Variants in TTF1 observed in about 807,000 individuals in gnomAD.
TTF1 encodes transcription termination factor 1.
A neutral mutation model predicts 80.2 loss-of-function variants in TTF1; 64 were observed. That is an observed-to-expected ratio of 0.80 (90% confidence interval 0.65 to 0.98). TTF1 has a LOEUF of 0.98. TTF1 is among the 50% of genes least tolerant of loss of function. The pLI, the probability that TTF1 is intolerant of heterozygous loss-of-function variation, is 0.00. For missense variants in TTF1, 1,023 were observed against 1,086.2 expected (o/e 0.94, Z 0.82); for synonymous variants, 372 against 382.7 (o/e 0.97, Z 0.33).
Position 132,401,057 on chromosome 9 carries a change from C to T in TTF1, c.1367+398G>A, listed in dbSNP as rs151077583. ...AATATGTATGTGCTAAGGGTAGGCA[C>T]GGTGGTTCACGCCTGTAATCCCAGC... On this transcript the variant is annotated intron_variant, in intron 2 of 10. Coordinates refer to ENST00000334270, the MANE Select transcript of TTF1 (RefSeq NM_007344.4). 3.1e-3 allele frequency among the ~76,000 whole-genome samples: 475 copies of T among 152,238 alleles called. 2 individuals carry two copies. The highest frequency in any genetic ancestry group is 0.011 in the African/African-American group (461 of 41,518).
At chr9:132,380,923 T>C (rs917507403) in intron 9 of TTF1, among the ~76,000 whole-genome samples, 8 of 152,054 alleles carry the variant, frequency 5.3e-5, no homozygotes, top group Non-Finnish European at 1.0e-4. Context: ...ATTTAATTTA[T>C]TTTCTTGAGA....
chr9:132,390,297 G>A (rs959325543), intron 7 of TTF1, among the ~76,000 whole-genome samples: 2 of 152,094 alleles, frequency 1.3e-5, no homozygotes, highest in African/African-American at 4.8e-5. Flanking sequence ...TTCTAATGCT[G>A]CCAACAGATT....
chr9:132,382,229 T>G (rs1849381952), intron 9 of TTF1, among the ~76,000 whole-genome samples: 1 of 152,090 alleles, frequency 6.6e-6, no homozygotes, highest in Non-Finnish European at 1.5e-5. Context: ...AGAGCCATGT[T>G]CAATCTCACT....
chr9:132,401,911 C>T lies in TTF1; in HGVS notation c.911G>A (p.Gly304Glu), dbSNP rs1048742218. The change falls in exon 2 of 11, where the codon GGG becomes GAG. Residue 304 changes from glycine to glutamate, a missense_variant. Gly to Glu is a moderately conservative substitution (Grantham distance 98). Coordinates refer to ENST00000334270, the MANE Select transcript of TTF1 (RefSeq NM_007344.4). ...PEGSQVGSEV[G>E]ADMQESRPAV... is the part of the protein sequence containing the mutation. The stretch of plus-strand genomic sequence containing the variant: ...AGGCCGGGATTCCTGCATATCAGCC[C>T]CAACCTCACTGCCCACTTGTGATCC... 6.2e-7 allele frequency: 1 copy of T among 1,611,090 alleles called. No individual in the cohort carries two copies. Among genetic ancestry groups the T allele is most frequent in the East Asian group, 2.3e-5 (1 of 44,144 alleles).
At position 132,389,863 on chromosome 9, in the gene TTF1, C is replaced by T. The variant is rs147481909; in HGVS notation, c.2222+734G>A. Among the ~76,000 whole-genome samples, 89 of 152,362 alleles carry T rather than the reference C, an allele frequency of 5.8e-4. No individual in the cohort carries two copies. The Middle Eastern group carries it at 0.01, about 17-fold the overall frequency. On this transcript the variant is annotated intron_variant, in intron 7 of 10. Coordinates refer to ENST00000334270, the MANE Select transcript of TTF1 (RefSeq NM_007344.4). ...CGCAGCCAGGAGCATGCCTACCTCGCTTCATCTGAGGAACCGCAGAAGCAG... is the reference window on the plus strand; with the variant it reads ...CGCAGCCAGGAGCATGCCTACCTCGTTTCATCTGAGGAACCGCAGAAGCAG...
intron 9 of TTF1, 128 bp from the exon 10 acceptor site, chr9:132,379,272 T>C (rs1849324854): frequency 3.5e-6 from 2 of 568,016 alleles, no homozygotes; most frequent in African/African-American, 1.9e-5. Flanking sequence ...AAGATCATCA[T>C]ACATGTGTGA....
Position 132,384,649 on chromosome 9 carries a change from G to GTTTC in TTF1, c.2378+1903_2378+1906dup, listed in dbSNP as rs527813322. On this transcript the variant is annotated intron_variant, in intron 9 of 10. Transcript: ENST00000334270. The surrounding 1 kb of genome is among the most constrained non-coding windows in gnomAD (Gnocchi z 4.1). ...CACTTTTCACTGTGTTTCCTTTCAG[G>GTTTC]TTTCTTTCTTTCTTTCTTTTCTTTT... 3.3e-5 allele frequency among the ~76,000 whole-genome samples: 5 copies of GTTTC among 151,968 alleles called. No individual in the cohort carries two copies. Among genetic ancestry groups the GTTTC allele is most frequent in the Admixed American group, 2.0e-4 (3 of 15,228 alleles).
In TTF1 at chr9:132,377,862, G is replaced by C. The variant is rs571890191; in HGVS notation, c.2464+1197C>G. On this transcript the variant is annotated intron_variant, in intron 10 of 10. Coordinates refer to ENST00000334270, the MANE Select transcript of TTF1 (RefSeq NM_007344.4). ...TGTGGTGTGTGTGAATGCATGTGGT[G>C]TGAGTGCATGCATGTGGTGTGTGTG... 1.0e-3 allele frequency among the ~76,000 whole-genome samples: 144 copies of C among 139,042 alleles called. 1 individual carries two copies. Among genetic ancestry groups the C allele is most frequent in the African/African-American group, 3.5e-3 (122 of 35,340 alleles). 91.2% of individuals were successfully genotyped at this position (139,042 alleles called of 152,430 possible). A position where few individuals can be genotyped will look rare whatever the true frequency, so the allele number is the denominator to read the frequency against.
chr9:132,389,470 C>G (rs907028707), intron 7 of TTF1, among the ~76,000 whole-genome samples: 1 of 151,928 alleles, frequency 6.6e-6, no homozygotes, highest in African/African-American at 2.4e-5. Context: ...TATGAGCCAC[C>G]GTGCCCGGCC....
At chr9:132,388,272 A>G (rs765861632) in intron 7 of TTF1, 44 bp from the exon 8 acceptor site, 1 of 1,396,254 alleles carries the variant, frequency 7.2e-7, no homozygotes, top group Non-Finnish European at 1.0e-6. Flanking sequence ...TCAAGGGTAG[A>G]GTTTTCATTA....
At chr9:132,390,497 G>T in intron 7 of TTF1, 100 bp downstream of exon 7, 3 of 1,173,586 alleles carry the variant, frequency 2.6e-6, no homozygotes, top group Non-Finnish European at 2.5e-6. Context: ...GATTGTTCTT[G>T]ACACGTCAGC....
chr9:132,398,033 G>T, intron 4 of TTF1, 108 bp downstream of exon 4: 1 of 822,798 alleles, frequency 1.2e-6, no homozygotes, highest in Non-Finnish European at 1.8e-6. Flanking sequence ...GTTAATGTGC[G>T]CCGCCTGCAG....
Position 132,400,063 on chromosome 9 carries a change from CAA to C in TTF1, c.1561_1562del (p.Leu521GlyfsTer4). The part of the protein sequence containing the change: ...STIKRMYRDD[L>X]ERFKEFKAQG... ...GTGCTTTAAATTCCTTAAACCGTTC[CAA>C]GTCGTCCCGGTACATCCGCTTGATT... On this transcript the variant is annotated frameshift_variant, in exon 3 of 11. Transcript: ENST00000334270. LOFTEE classifies it high-confidence loss of function. 6.2e-7 allele frequency: 1 copy of C among 1,614,174 alleles called. No individual in the cohort carries two copies. Among genetic ancestry groups the C allele is most frequent in the Non-Finnish European group, 8.5e-7 (1 of 1,180,030 alleles).
chr9:132,400,587 T>C (rs1190535444), intron 2 of TTF1, among the ~76,000 whole-genome samples: 1 of 152,114 alleles, frequency 6.6e-6, no homozygotes, highest in African/African-American at 2.4e-5. Context: ...CCTCCCAAAG[T>C]GCTGGGATTA....
intron 10 of TTF1, 51 bp from the exon 11 acceptor site, chr9:132,376,219 T>C (rs767845380): frequency 1.4e-5 from 22 of 1,563,750 alleles, no homozygotes; most frequent in Non-Finnish European, 1.7e-5. Context: ...CAAGGCCTCT[T>C]ATCAAGGTCG....
chr9:132,382,516 C>A (rs1002712895), intron 9 of TTF1, among the ~76,000 whole-genome samples: 2 of 152,182 alleles, frequency 1.3e-5, no homozygotes, highest in African/African-American at 4.8e-5. Flanking sequence ...CAGCCTGAAT[C>A]TCCTCAAGAG....
intron 1 of TTF1, among the ~76,000 whole-genome samples, chr9:132,406,228 C>T (rs1849863503): frequency 6.6e-6 from 1 of 152,322 alleles, no homozygotes; most frequent in Admixed American, 6.5e-5. Context: ...AGAGACCCCG[C>T]TCTGCTCCCG....
intron 5 of TTF1, 133 bp from the exon 6 acceptor site, chr9:132,392,339 C>T: frequency 9.7e-7 from 1 of 1,031,622 alleles, no homozygotes; most frequent in East Asian, 2.7e-5. Flanking sequence ...TCACAGCCCT[C>T]TTCACTTCCT....
At position 132,386,680 on chromosome 9, in the gene TTF1, A is replaced by G. The variant is rs1849473891; in HGVS notation, c.2313-59T>C. The stretch of plus-strand genomic sequence containing the variant: ...AAAAATAATCATGATAGCCATCTTC[A>G]TGGACGCGTGGAGTGCTGAGAGCTG... On this transcript the variant is annotated intron_variant, in intron 8 of 10. Coordinates refer to ENST00000334270, the MANE Select transcript of TTF1 (RefSeq NM_007344.4). The G allele has an allele frequency of 2.4e-5, 34 of 1,411,114 alleles. No homozygotes were observed. The South Asian group carries it at 3.3e-4, about 14-fold the overall frequency. 87.4% of individuals were successfully genotyped at this position (1,411,114 alleles called of 1,614,324 possible). A position where few individuals can be genotyped will look rare whatever the true frequency, so the allele number is the denominator to read the frequency against.
Sources: gnomAD v4.1 joint callset for allele counts (sites outside exome capture counted in the v4.1 genomes callset) on GRCh38, gnomAD v4.1.1 for gene constraint, Gnocchi (gnomAD v3.1) non-coding constraint, MANE v1.5 for transcripts, NCBI Gene and HGNC (gene_info 2026-07-23, HGNC 2026-07-21) for gene names.